Variants in TBC1D10B observed in about 807,000 individuals in gnomAD.
TBC1D10B encodes the protein Rab27A-GAPbeta.
TBC1D10B carries 25 observed loss-of-function variants against 78.4 expected under a neutral mutation model. That is an observed-to-expected ratio of 0.32 (90% CI 0.23 to 0.45). The LOEUF is 0.45. Among genes scored for constraint, TBC1D10B ranks in the 20% least tolerant of loss-of-function variants. The pLI is 1.00. For synonymous variants in TBC1D10B, 517 were observed against 478.0 expected, an observed-to-expected ratio of 1.08 and a Z score of -1.06; for missense variants, 996 against 1,104.8, an observed-to-expected ratio of 0.90 and a Z score of 1.40.
At position 30,370,312 on chromosome 16, in the gene TBC1D10B, G is replaced by T; in HGVS notation, c.-129C>A. 1 of 357,604 alleles carries T rather than the reference G, an allele frequency of 2.8e-6. No individual in the cohort carries two copies. Among genetic ancestry groups the T allele is most frequent in the Non-Finnish European group, 4.1e-6 (1 of 243,060 alleles). The allele number at this position is 357,604 out of a possible 1,614,324, so 22.2% of individuals were successfully genotyped here. ...GCGCGGCTCGGCGCGCGCCGGGGGC[G>T]GAGCGGCCGCTGGGCGCGCAGAGGC... On this transcript the variant is annotated 5_prime_UTR_variant, in exon 1 of 9. Transcript: ENST00000409939.
chr16:30,359,464 G>A, intron 6 of TBC1D10B, 74 bp downstream of exon 6: 1 of 1,548,492 alleles, frequency 6.5e-7, no homozygotes, highest in Non-Finnish European at 8.7e-7. Flanking sequence ...GCCAGGGTGG[G>A]GCAAGGCAAG....
rs1017059213 is a variant in TBC1D10B at position 30,365,309 on chromosome 16, A to G, written c.1057-97T>C. On this transcript the variant is annotated intron_variant, in intron 2 of 8. Coordinates refer to ENST00000409939, the MANE Select transcript of TBC1D10B (RefSeq NM_015527.4). The surrounding 1 kb of genome is among the most constrained non-coding windows in gnomAD (Gnocchi z 5.0). ...CAAACTCCCTGGATACTCCTCCGAC[A>G]TCCCATAGGCTTGATTCCACTGGAC... 26 of 1,273,458 alleles carry G rather than the reference A, an allele frequency of 2.0e-5. No homozygotes were observed. The highest frequency in any genetic ancestry group is 2.9e-5 in the Non-Finnish European group (26 of 888,286). The allele number at this position is 1,273,458 out of a possible 1,614,324, so 78.9% of individuals were successfully genotyped here. A position where few individuals can be genotyped will look rare whatever the true frequency, so the allele number is the denominator to read the frequency against.
chr16:30,358,937 A>C (rs2049580299), intron 7 of TBC1D10B, 120 bp from the exon 8 acceptor site: 2 of 1,346,818 alleles, frequency 1.5e-6, no homozygotes, highest in Admixed American at 5.4e-5. Context: ...GAGGAAACTG[A>C]GGCCCTGTGA....
chr16:30,361,883 G>A (rs1350150238), intron 4 of TBC1D10B, among the ~76,000 whole-genome samples: 1 of 149,936 alleles, frequency 6.7e-6, no homozygotes, highest in Non-Finnish European at 1.5e-5. Context: ...AATCTCCTCT[G>A]TCGCCCAGGC....
chr16:30,360,681 T>C lies in TBC1D10B; in HGVS notation c.1272-840A>G, dbSNP rs528821587. On this transcript the variant is annotated intron_variant, in intron 4 of 8. Transcript: ENST00000409939. Reference sequence around the variant, plus strand: ...ATTTTTTCTCCACTTTGCAAAAGCATCCACGAAATGACAGGTTTGATATGG... The same window carrying C: ...ATTTTTTCTCCACTTTGCAAAAGCACCCACGAAATGACAGGTTTGATATGG... Among the ~76,000 whole-genome samples the C allele has an allele frequency of 2.6e-4, 39 of 152,334 alleles. No individual in the cohort carries two copies. The South Asian group carries it at 7.9e-3, about 31-fold the overall frequency.
Position 30,369,925 on chromosome 16 carries a change from T to C in TBC1D10B, c.259A>G (p.Ser87Gly). The change falls in exon 1 of 9, where the codon AGC becomes GGC. Residue 87 changes from serine (S) to glycine (G), a missense_variant. By Grantham distance (56) the Ser-to-Gly change is moderately conservative. Transcript: ENST00000409939. The surrounding 1 kb of genome is among the most constrained non-coding windows in gnomAD (Gnocchi z 4.3). Reference protein sequence around the residue: ...APAPAPAVTGSTVVVLTLEAS... With the variant: ...APAPAPAVTGGTVVVLTLEAS... ...TCCAGGGTCAGCACCACCACCGTGCTGCCCGTGACAGCCGGGGCTGGGGCC... is the reference window on the plus strand; with the variant it reads ...TCCAGGGTCAGCACCACCACCGTGCCGCCCGTGACAGCCGGGGCTGGGGCC... The C allele has an allele frequency of 7.6e-7, 1 of 1,312,276 alleles. No homozygotes were observed. Among genetic ancestry groups the C allele is most frequent in the East Asian group, 3.0e-5 (1 of 32,932 alleles). The allele number at this position is 1,312,276 out of a possible 1,614,324, so 81.3% of individuals were successfully genotyped here.
At chr16:30,364,534 A>C (rs2151102092) in intron 4 of TBC1D10B, among the ~76,000 whole-genome samples, 1 of 152,334 alleles carries the variant, frequency 6.6e-6, no homozygotes, top group South Asian at 2.1e-4. Context: ...ATCTGGAGGA[A>C]GCTTGGTCTA....
rs1335694396 is a variant in TBC1D10B at position 30,369,056 on chromosome 16, T to C, written c.956+172A>G. Among the ~76,000 whole-genome samples the C allele has an allele frequency of 6.6e-6, 1 of 152,242 alleles. No homozygotes were observed. Among genetic ancestry groups the C allele is most frequent in the East Asian group, 1.9e-4 (1 of 5,198 alleles). ...GTCTGAAACTCCACTAACATGCCAA[T>C]GTCACAGGCACCTCAGGATGCTCAA... On this transcript the variant is annotated intron_variant, in intron 1 of 8. Coordinates refer to ENST00000409939, the MANE Select transcript of TBC1D10B (RefSeq NM_015527.4). This position sits in a 1 kb window ranked among gnomAD's most constrained non-coding sequence, Gnocchi z 4.3.
rs2049588100 is a variant in TBC1D10B, at chr16:30,359,845, T to G, written c.1272-4A>C. 1 of 1,555,844 alleles carries G rather than the reference T, an allele frequency of 6.4e-7. No individual in the cohort carries two copies. Among genetic ancestry groups the G allele is most frequent in the Non-Finnish European group, 8.7e-7 (1 of 1,149,392 alleles). On this transcript the variant is annotated splice_region_variant and splice_polypyrimidine_tract_variant and intron_variant, in intron 4 of 8. Coordinates refer to ENST00000409939, the MANE Select transcript of TBC1D10B (RefSeq NM_015527.4). ...GATTCGGTACAGGTCCTGTTGCCTG[T>G]GGGGGTTGGGGAAGACTGTGAGGGC...
intron 8 of TBC1D10B, 41 bp downstream of exon 8, chr16:30,358,622 G>A: frequency 5.0e-6 from 8 of 1,588,738 alleles, no homozygotes; most frequent in Non-Finnish European, 6.9e-6. Flanking sequence ...GGTGGGAGCG[G>A]GCTGAGGCAG....
Position 30,358,349 on chromosome 16 carries a change from T to C in TBC1D10B, c.2022A>G (p.Gly674=). Reference sequence around the variant, plus strand: ...CGGGGGGCGGCGGGGACGGGGCCCCTCCAGCTGCCCGGGAGCCTCGGCTCT... The same window carrying C: ...CGGGGGGCGGCGGGGACGGGGCCCCCCCAGCTGCCCGGGAGCCTCGGCTCT... ...GLKSRGSRAA[G]GAPSPPPPVR... is the part of the protein sequence containing the mutation. Residue 674 remains glycine (G), a synonymous_variant, in exon 9 of 9, where the codon GGA becomes GGG. Transcript: ENST00000409939. The C allele has an allele frequency of 6.4e-7, 1 of 1,558,512 alleles. No homozygotes were observed.
In TBC1D10B at chr16:30,369,766, G is replaced by A. The variant is rs2049670402; in HGVS notation, c.418C>T (p.Pro140Ser). 5.5e-6 allele frequency: 8 copies of A among 1,448,922 alleles called. No individual in the cohort carries two copies. Among genetic ancestry groups the A allele is most frequent in the South Asian group, 4.4e-5 (3 of 68,614 alleles). 89.8% of individuals were successfully genotyped at this position (1,448,922 alleles called of 1,614,324 possible). The change falls in exon 1 of 9, where the codon CCC becomes TCC. Residue 140 changes from proline to serine, a missense_variant. Physicochemically the swap from Pro to Ser is moderately conservative, Grantham distance 74. Transcript: ENST00000409939. This position sits in a 1 kb window ranked among gnomAD's most constrained non-coding sequence, Gnocchi z 4.3. ...ADSPKTEEAR[P>S]SPAPGPGTPT... is the part of the protein sequence containing the mutation. ...GTCCCTGGTCCTGGGGCGGGTGAGG[G>A]TCGAGCCTCCTCTGTCTTCGGCGAG...
intron 4 of TBC1D10B, among the ~76,000 whole-genome samples, chr16:30,362,847 G>C (rs991580528): frequency 6.6e-6 from 1 of 152,092 alleles, no homozygotes; most frequent in African/African-American, 2.4e-5. Context: ...GACCAGCCTG[G>C]CCAACATGGC....
At chr16:30,368,743 C>A (rs375155220) in intron 1 of TBC1D10B, among the ~76,000 whole-genome samples, 2 of 152,160 alleles carry the variant, frequency 1.3e-5, no homozygotes, top group African/African-American at 4.8e-5. Context: ...CTCTCTACTC[C>A]ATCCCTGGGA....
Position 30,359,088 on chromosome 16 carries a change from A to G in TBC1D10B, c.1642+84T>C, listed in dbSNP as rs2049581308. Reference sequence around the variant, plus strand: ...TCCACCCAACAAGTACCTTTTGTCCATGGACCACCAGAAATATGACAGAAC... The same window carrying G: ...TCCACCCAACAAGTACCTTTTGTCCGTGGACCACCAGAAATATGACAGAAC... On this transcript the variant is annotated intron_variant, in intron 7 of 8. Coordinates refer to ENST00000409939, the MANE Select transcript of TBC1D10B (RefSeq NM_015527.4). 2.7e-6 allele frequency: 4 copies of G among 1,472,574 alleles called. No individual in the cohort carries two copies. In the Admixed American group the frequency reaches 9.9e-5, roughly 36 times the overall value. The allele number at this position is 1,472,574 out of a possible 1,614,324, so 91.2% of individuals were successfully genotyped here.
intron 1 of TBC1D10B, among the ~76,000 whole-genome samples, chr16:30,368,933 T>G (rs1162284061): frequency 6.6e-6 from 1 of 152,106 alleles, no homozygotes; most frequent in Non-Finnish European, 1.5e-5. Flanking sequence ...ATCCACTTTA[T>G]AGAGGAAAAA....
rs1172666141 is a variant in TBC1D10B, at chr16:30,369,852, G to A, written c.332C>T (p.Ser111Phe). The A allele has an allele frequency of 7.8e-6, 11 of 1,407,774 alleles. No individual in the cohort carries two copies. Among genetic ancestry groups the A allele is most frequent in the Non-Finnish European group, 1.0e-5 (11 of 1,083,774 alleles). The allele number at this position is 1,407,774 out of a possible 1,614,324, so 87.2% of individuals were successfully genotyped here. ...TCCAGCCACTGCCGCGGGCTCTGGG[G>A]ATTCCGGGCCGGAGGGGAGCTGCGG... ...PKPQLPSGPE[S>F]PEPAAVAGVE... The change falls in exon 1 of 9, where the codon TCC becomes TTC. Residue 111 changes from serine (S) to phenylalanine (F), a missense_variant. Physicochemically the swap from Ser to Phe is radical, Grantham distance 155. This residue lies in a region of TBC1D10B where 448 missense variants were observed against 442.1 expected (regional missense o/e 1.01). Transcript: ENST00000409939. This position sits in a 1 kb window ranked among gnomAD's most constrained non-coding sequence, Gnocchi z 4.3.
Position 30,357,834 on chromosome 16 carries a change from T to G in TBC1D10B, c.*110A>C, listed in dbSNP as rs1318964968. The G allele has an allele frequency of 7.1e-7, 1 of 1,416,582 alleles. No homozygotes were observed. Among genetic ancestry groups the G allele is most frequent in the Non-Finnish European group, 9.3e-7 (1 of 1,078,122 alleles). The allele number at this position is 1,416,582 out of a possible 1,614,324, so 87.8% of individuals were successfully genotyped here. On this transcript the variant is annotated 3_prime_UTR_variant, in exon 9 of 9. Coordinates refer to ENST00000409939, the MANE Select transcript of TBC1D10B (RefSeq NM_015527.4). ...GAGGAGATGGGGAACCAAGCCACTT[T>G]CCCCAGCAAGGGACAGCCTGACAAG... is the stretch of plus-strand genomic sequence containing the variant.
In TBC1D10B at chr16:30,359,252, G is replaced by A. The variant is rs932099861; in HGVS notation, c.1562C>T (p.Thr521Met). ...RQRIDPVLYM[T>M]EWFMCIFART... is the part of the protein sequence containing the mutation. ...GGCGAAGATGCACATGAACCACTCC[G>A]TCATGTAGAGCACAGGGTCAATGCG... Residue 521 changes from threonine (T) to methionine (M), a missense_variant, in exon 7 of 9, where the codon ACG becomes ATG. Coordinates refer to ENST00000409939, the MANE Select transcript of TBC1D10B (RefSeq NM_015527.4). The A allele has an allele frequency of 3.1e-6, 5 of 1,612,580 alleles. No individual in the cohort carries two copies. The highest frequency in any genetic ancestry group is 3.4e-6 in the Non-Finnish European group (4 of 1,179,310).
Sources: gnomAD v4.1 joint callset for allele counts (sites outside exome capture counted in the v4.1 genomes callset) on GRCh38, gnomAD v4.1.1 for gene constraint, gnomAD v4.1.1 regional missense constraint, Gnocchi (gnomAD v3.1) non-coding constraint, MANE v1.5 for transcripts, NCBI Gene and HGNC (gene_info 2026-07-23, HGNC 2026-07-21) for gene names.